GALNT9: variants seen among roughly 807,000 people sequenced by gnomAD.
GALNT9 encodes the protein polypeptide N-acetylgalactosaminyltransferase 9.
A neutral mutation model predicts 63.1 loss-of-function variants in GALNT9; 47 were observed. The observed-to-expected ratio is 0.75, with a 90% CI of 0.59 to 0.95. The LOEUF (loss-of-function observed/expected upper bound fraction) is 0.95, where lower values mean the gene tolerates loss of function less well. GALNT9 is among the 40% of genes least tolerant of loss of function. The pLI, the probability that GALNT9 is intolerant of heterozygous loss-of-function variation, is 0.00. For synonymous variants in GALNT9, 396 were observed against 365.7 expected (o/e 1.08, Z -0.94); for missense variants, 829 against 874.8 (o/e 0.95, Z 0.66).
intron 1 of GALNT9, among the ~76,000 whole-genome samples, chr12:132,291,642 C>T (rs1210477385): frequency 1.4e-5 from 2 of 144,510 alleles, no homozygotes; most frequent in Non-Finnish European, 3.1e-5. Context: ...CACCCACATC[C>T]ACAGCACCCA....
chr12:132,210,800 C>T (rs1052347924), intron 6 of GALNT9, among the ~76,000 whole-genome samples: 7 of 150,994 alleles, frequency 4.6e-5, no homozygotes, highest in East Asian at 2.0e-4. Flanking sequence ...CGCCGTCTGG[C>T]GGTTGCCATC....
Position 132,197,090 on chromosome 12 carries a change from T to C in GALNT9, c.*17A>G, listed in dbSNP as rs372434133. ...AGCGCCTTCCCGAGGTCTGTGGGGG[T>C]CCGGGCGGAGGTGGGGTCAGTGCCG... On this transcript the variant is annotated 3_prime_UTR_variant, in exon 11 of 11. Coordinates refer to ENST00000328957, the MANE Select transcript of GALNT9 (RefSeq NM_001122636.2). 8.1e-5 allele frequency: 130 copies of C among 1,612,582 alleles called. No individual in the cohort carries two copies. Among genetic ancestry groups the C allele is most frequent in the Non-Finnish European group, 1.1e-4 (128 of 1,179,260 alleles).
At position 132,261,098 on chromosome 12, in the gene GALNT9, T is replaced by C; in HGVS notation, c.611A>G (p.Gln204Arg). The change falls in exon 4 of 11, where the codon CAG becomes CGG. Residue 204 changes from glutamine to arginine, a missense_variant. Physicochemically the swap from Gln to Arg is conservative, Grantham distance 43. Coordinates refer to ENST00000328957, the MANE Select transcript of GALNT9 (RefSeq NM_001122636.2). Reference protein sequence around the residue: ...DNVELKFNLDQYVNKRYPGLV... With the variant: ...DNVELKFNLDRYVNKRYPGLV... ...GCCTGGGTACCGCTTGTTGACGTAC[T>C]GGTCCAGATTGAACTTGAGTTCCAC... The C allele has an allele frequency of 6.4e-7, 1 of 1,551,470 alleles. No homozygotes were observed. The highest frequency in any genetic ancestry group is 8.7e-7 in the Non-Finnish European group (1 of 1,146,946).
chr12:132,291,927 C>T (rs1315588313), intron 1 of GALNT9, among the ~76,000 whole-genome samples: 13 of 152,326 alleles, frequency 8.5e-5, no homozygotes, highest in South Asian at 2.1e-4. Flanking sequence ...CGGCTCCTCA[C>T]GGCAGCTGTG....
intron 6 of GALNT9, among the ~76,000 whole-genome samples, chr12:132,204,489 C>A (rs1252693007): frequency 6.6e-6 from 1 of 152,134 alleles, no homozygotes; most frequent in Non-Finnish European, 1.5e-5. Context: ...AAGGCCGAGG[C>A]AGGGAGTGTT....
chr12:132,237,589 C>T (rs1878052132), intron 6 of GALNT9, among the ~76,000 whole-genome samples: 1 of 152,212 alleles, frequency 6.6e-6, no homozygotes, highest in Non-Finnish European at 1.5e-5. Context: ...TAACACCTGC[C>T]AGTAACTGCT....
At chr12:132,288,864 C>G (rs1447606922) in intron 1 of GALNT9, among the ~76,000 whole-genome samples, 3 of 151,104 alleles carry the variant, frequency 2.0e-5, no homozygotes, top group Admixed American at 6.6e-5. Flanking sequence ...TTGGACCCGG[C>G]AGGAGGGTGG....
chr12:132,203,709 G>A lies in GALNT9; in HGVS notation c.1078-19C>T, dbSNP rs1010622575. On this transcript the variant is annotated intron_variant, in intron 6 of 10. Coordinates refer to ENST00000328957, the MANE Select transcript of GALNT9 (RefSeq NM_001122636.2). ...GCCACACCTGCGGGGAGACGGCGCT[G>A]GGTGCCGGCGTCCTTCCCAACGGAA... 3 of 1,605,626 alleles carry A rather than the reference G, an allele frequency of 1.9e-6. No individual in the cohort carries two copies. Among genetic ancestry groups the A allele is most frequent in the African/African-American group, 1.3e-5 (1 of 74,768 alleles).
Position 132,288,919 on chromosome 12 carries a change from C to T in GALNT9, c.239-2489G>A, listed in dbSNP as rs116361133. Among the ~76,000 whole-genome samples the T allele has an allele frequency of 3.3e-3, 490 of 147,204 alleles. 2 individuals carry two copies. The highest frequency in any genetic ancestry group is 0.012 in the African/African-American group (475 of 39,620). On this transcript the variant is annotated intron_variant, in intron 1 of 10. Coordinates refer to ENST00000328957, the MANE Select transcript of GALNT9 (RefSeq NM_001122636.2). ...GCTGCCTGATGCCCAGCGTTGGACC[C>T]GGCAGGAGGGTGGCTGAGCATGGTT...
Position 132,316,184 on chromosome 12 carries a change from C to A in GALNT9, c.238+12782G>T, listed in dbSNP as rs1462233568. The stretch of plus-strand genomic sequence containing the variant: ...CCCCACAGACCCCAGCGTCCCAGTC[C>A]AGGCTCGGCTCTCCAGCAGAGGCAT... On this transcript the variant is annotated intron_variant, in intron 1 of 10. Transcript: ENST00000328957. This position sits in a 1 kb window ranked among gnomAD's most constrained non-coding sequence, Gnocchi z 4.3. 2.6e-5 allele frequency among the ~76,000 whole-genome samples: 4 copies of A among 152,148 alleles called. No individual in the cohort carries two copies. The South Asian group carries it at 8.3e-4, about 32-fold the overall frequency.
At chr12:132,322,230 GCCT>G in intron 1 of GALNT9, among the ~76,000 whole-genome samples, 1 of 152,272 alleles carries the variant, frequency 6.6e-6, no homozygotes, top group Non-Finnish European at 1.5e-5. Flanking sequence ...CGTCACTCAG[GCCT>G]CCTCGTAGGT....
At chr12:132,309,296 C>T (rs782129477) in intron 1 of GALNT9, among the ~76,000 whole-genome samples, 7 of 152,216 alleles carry the variant, frequency 4.6e-5, no homozygotes, top group South Asian at 4.1e-4. Context: ...GGGACACCCA[C>T]GGCTGACTGG....
intron 6 of GALNT9, among the ~76,000 whole-genome samples, chr12:132,218,137 T>C (rs10902524): frequency 0.59 from 90,285 of 151,906 alleles, 27,011 homozygotes; most frequent in East Asian, 0.78. Flanking sequence ...CCTTCCTTCT[T>C]TCACCCACTC....
intron 2 of GALNT9, chr12:132,283,990 C>G (rs1880471220): frequency 6.6e-6 from 1 of 152,242 alleles, no homozygotes. Flanking sequence ...GGTGCTCACT[C>G]CAGCAGTGGG....
chr12:132,312,500 G>C (rs1173063833), intron 1 of GALNT9, among the ~76,000 whole-genome samples: 2 of 152,224 alleles, frequency 1.3e-5, no homozygotes, highest in Non-Finnish European at 2.9e-5. Context: ...GGACCAGAGT[G>C]GTTGGGCCCC....
chr12:132,240,762 A>G (rs1186159896), intron 6 of GALNT9: 2 of 455,306 alleles, frequency 4.4e-6, no homozygotes, highest in Admixed American at 2.4e-5. Flanking sequence ...CACCAGCAGA[A>G]TTGGAATGTG....
Position 132,198,092 on chromosome 12 carries a change from G to T in GALNT9, c.1498-133C>A, listed in dbSNP as rs1335433911. On this transcript the variant is annotated intron_variant, in intron 9 of 10. Coordinates refer to ENST00000328957, the MANE Select transcript of GALNT9 (RefSeq NM_001122636.2). ...GCTGCCTTGGAGCCTCCCACCCCGG[G>T]GACGCTGTTGCGGGCGGGAGAGGAC... 9.6e-6 allele frequency: 7 copies of T among 728,848 alleles called. No individual in the cohort carries two copies. The East Asian group carries it at 1.9e-4, about 20-fold the overall frequency. 45.1% of individuals were successfully genotyped at this position (728,848 alleles called of 1,614,324 possible). A position where few individuals can be genotyped will look rare whatever the true frequency, so the allele number is the denominator to read the frequency against.
At chr12:132,270,608 T>G (rs1329794053) in intron 2 of GALNT9, among the ~76,000 whole-genome samples, 1 of 152,166 alleles carries the variant, frequency 6.6e-6, no homozygotes, top group African/African-American at 2.4e-5. Context: ...TAAGAAGAAA[T>G]GGATTGGATG....
chr12:132,202,742 G>C (rs771045617), intron 7 of GALNT9, among the ~76,000 whole-genome samples: 14 of 152,272 alleles, frequency 9.2e-5, no homozygotes, highest in East Asian at 1.9e-4. Context: ...GGGAAGGAAG[G>C]GGGTGGTTCC....
Sources: allele counts gnomAD v4.1 joint callset (sites outside exome capture counted in the v4.1 genomes callset), GRCh38; gene constraint gnomAD v4.1.1; non-coding constraint Gnocchi (gnomAD v3.1); transcripts MANE v1.5; gene names NCBI Gene and HGNC (gene_info 2026-07-23, HGNC 2026-07-21).